Variants in PARG observed in about 807,000 individuals in gnomAD.
PARG encodes mitochondrial poly(ADP-ribose) glycohydrolase.
Under a neutral mutation model 113.0 loss-of-function variants are expected in PARG, and 35 were observed. The observed-to-expected ratio is 0.31, with a 90% CI of 0.24 to 0.41. PARG has a LOEUF of 0.41. Among genes scored for constraint, PARG ranks in the 10% least tolerant of loss-of-function variants. The pLI is 1.00. For missense variants in PARG, 797 were observed against 1,169.4 expected, an observed-to-expected ratio of 0.68 and a Z score of 4.64; for synonymous variants, 330 against 409.9, an observed-to-expected ratio of 0.81 and a Z score of 2.36.
At chr10:49,878,744 C>A (rs1239503398) in intron 9 of PARG, among the ~76,000 whole-genome samples, 1 of 151,950 alleles carries the variant, frequency 6.6e-6, no homozygotes, top group South Asian at 2.1e-4. Flanking sequence ...ACTCTGCATA[C>A]TGCCCCACCC....
intron 13 of PARG, among the ~76,000 whole-genome samples, chr10:49,853,066 C>T (rs1845830292): frequency 6.8e-6 from 1 of 146,880 alleles, no homozygotes; most frequent in African/African-American, 2.5e-5. Context: ...GACAGTCTCG[C>T]TCTGTTGCCC....
intron 7 of PARG, among the ~76,000 whole-genome samples, chr10:49,894,140 C>A (rs182403250): frequency 5.3e-5 from 8 of 152,084 alleles, no homozygotes; most frequent in African/African-American, 1.7e-4. Flanking sequence ...TCCAAGAGAT[C>A]CTTCCACCTC....
intron 8 of PARG, among the ~76,000 whole-genome samples, chr10:49,881,061 C>T (rs1554839385): frequency 6.6e-6 from 1 of 152,212 alleles, no homozygotes; most frequent in Admixed American, 6.5e-5. Flanking sequence ...TCATCCACAT[C>T]ATAAAACCTT....
chr10:49,852,663 CAA>C (rs1470419014), intron 13 of PARG, among the ~76,000 whole-genome samples: 1 of 150,436 alleles, frequency 6.6e-6, no homozygotes, highest in Non-Finnish European at 1.5e-5. Context: ...CTCCCACGTT[CAA>C]AAGATTCTCC....
intron 6 of PARG, among the ~76,000 whole-genome samples, chr10:49,919,390 T>C (rs1554848561): frequency 6.6e-6 from 1 of 152,236 alleles, no homozygotes. Context: ...TATGTGAGTT[T>C]ATAATTTTGT....
chr10:49,920,462 A>ATG (rs1554848895), intron 6 of PARG, among the ~76,000 whole-genome samples: 1 of 52,054 alleles, frequency 1.9e-5, no homozygotes, highest in Non-Finnish European at 3.8e-5. Flanking sequence ...AAAAAAAAAA[A>ATG]AATATATATA....
At chr10:49,919,796 G>A (rs560232418) in intron 6 of PARG, among the ~76,000 whole-genome samples, 4 of 152,278 alleles carry the variant, frequency 2.6e-5, no homozygotes, top group Non-Finnish European at 4.4e-5. Context: ...CATGAGAATC[G>A]CTTGAGCCAG....
intron 4 of PARG, among the ~76,000 whole-genome samples, chr10:49,926,858 G>A (rs1212881153): frequency 2.6e-5 from 4 of 152,176 alleles, no homozygotes; most frequent in Non-Finnish European, 5.9e-5. Flanking sequence ...CCATTGGGGA[G>A]GTCAGGTTTT....
intron 3 of PARG, 45 bp downstream of exon 3, chr10:49,933,132 A>T: frequency 7.3e-7 from 1 of 1,375,984 alleles, no homozygotes; most frequent in Admixed American, 2.0e-5. Context: ...ACAAAACTAT[A>T]AAGCATATTA....
At chr10:49,897,917 G>C (rs1407508754) in intron 7 of PARG, among the ~76,000 whole-genome samples, 2 of 152,104 alleles carry the variant, frequency 1.3e-5, no homozygotes, top group African/African-American at 4.8e-5. Flanking sequence ...GCTTGAGCTC[G>C]GGAGGTGGAG....
intron 6 of PARG, among the ~76,000 whole-genome samples, chr10:49,919,142 T>C (rs1319951970): frequency 1.3e-5 from 2 of 152,158 alleles, no homozygotes; most frequent in Admixed American, 1.3e-4. Flanking sequence ...GGTTTCACCA[T>C]GTTGGCCAGG....
chr10:49,869,023 T>C (rs1476762104), intron 10 of PARG, among the ~76,000 whole-genome samples: 9 of 151,698 alleles, frequency 5.9e-5, no homozygotes, highest in Admixed American at 2.6e-4. Context: ...GATGGAGATA[T>C]AAAACTCAGT....
At chr10:49,860,097 C>T (rs1846183060) in intron 12 of PARG, among the ~76,000 whole-genome samples, 1 of 152,172 alleles carries the variant, frequency 6.6e-6, no homozygotes, top group African/African-American at 2.4e-5. Flanking sequence ...TGTAGCATTG[C>T]AATACAATAT....
rs1838629428 is a variant in PARG, at chr10:49,934,157, A to G, written c.291T>C (p.Asp97=). The G allele has an allele frequency of 9.7e-7, 1 of 1,027,660 alleles. No individual in the cohort carries two copies. The highest frequency in any genetic ancestry group is 1.5e-6 in the Non-Finnish European group (1 of 647,556). 63.7% of individuals were successfully genotyped at this position (1,027,660 alleles called of 1,614,324 possible). A position where few individuals can be genotyped will look rare whatever the true frequency, so the allele number is the denominator to read the frequency against. Reference sequence around the variant, plus strand: ...TTCTTGTATTGTTGTTTTCTTTACTATCCAAACTACAAGAGAACAGAAAGA... The same window carrying G: ...TTCTTGTATTGTTGTTTTCTTTACTGTCCAAACTACAAGAGAACAGAAAGA... ...GIKTAESESL[D]SKENNNTRIE... The change falls in exon 3 of 18, where the codon GAT becomes GAC. Residue 97 remains aspartate (D), a synonymous_variant. Transcript: ENST00000616448.
chr10:49,902,847 T>G (rs1340603422), intron 7 of PARG, among the ~76,000 whole-genome samples: 2 of 151,908 alleles, frequency 1.3e-5, no homozygotes, highest in African/African-American at 2.4e-5. Flanking sequence ...TTTTTTTTTT[T>G]TTTTGAGACG....
intron 7 of PARG, among the ~76,000 whole-genome samples, chr10:49,894,627 A>G (rs1847986570): frequency 6.6e-6 from 1 of 152,120 alleles, no homozygotes; most frequent in South Asian, 2.1e-4. Context: ...TGTTGAAAAG[A>G]CACTTCTTTT....
intron 15 of PARG, among the ~76,000 whole-genome samples, chr10:49,835,773 G>C (rs1844888121): frequency 6.6e-6 from 1 of 151,948 alleles, no homozygotes; most frequent in African/African-American, 2.4e-5. Flanking sequence ...AAGATCTTTG[G>C]CTTCAATATC....
intron 7 of PARG, among the ~76,000 whole-genome samples, chr10:49,902,447 T>G (rs183761580): frequency 6.9e-4 from 105 of 152,258 alleles, no homozygotes; most frequent in Middle Eastern, 3.4e-3. Flanking sequence ...CCCTTTTGCA[T>G]GCAGGGAATT....
chr10:49,878,891 G>A (rs1381894575), intron 9 of PARG, among the ~76,000 whole-genome samples: 1 of 151,616 alleles, frequency 6.6e-6, no homozygotes, highest in Non-Finnish European at 1.5e-5. Context: ...TCTATTCATG[G>A]GTCCTATAAA....
Sources: gnomAD v4.1 joint callset for allele counts (sites outside exome capture counted in the v4.1 genomes callset) on GRCh38, gnomAD v4.1.1 for gene constraint, MANE v1.5 for transcripts, NCBI Gene and HGNC (gene_info 2026-07-23, HGNC 2026-07-21) for gene names.